RAB38: variants seen among roughly 807,000 people sequenced by gnomAD.
RAB38 encodes RAB38, member RAS oncogene family.
RAB38 carries 15 observed loss-of-function variants against 18.4 expected under a neutral mutation model. That is an observed-to-expected ratio of 0.82 (90% confidence interval 0.55 to 1.26). The LOEUF is 1.26. RAB38 is among the 50% of genes most tolerant of loss of function. The pLI is 0.00. For synonymous variants in RAB38, 101 were observed against 104.4 expected (o/e 0.97, Z 0.20); for missense variants, 294 against 267.4 (o/e 1.10, Z -0.69).
At chr11:87,959,562 A>T in the RAB38 span, among the ~76,000 whole-genome samples, 1 of 152,192 alleles carries the variant, frequency 6.6e-6, no homozygotes, top group Admixed American at 6.5e-5. Flanking sequence ...GAATACCAAC[A>T]GCTCCTGAAT....
chr11:87,865,305 T>A, the RAB38 span, among the ~76,000 whole-genome samples: 1 of 151,556 alleles, frequency 6.6e-6, no homozygotes, highest in South Asian at 2.1e-4. Context: ...ATCCAGGTGG[T>A]CTCCAGGTAA....
the RAB38 span, among the ~76,000 whole-genome samples, chr11:87,918,928 GT>G: frequency 5.4e-4 from 1 of 1,842 alleles, no homozygotes; most frequent in Admixed American, 0.015. Context: ...CTGGGTCACA[GT>G]AAAAAAAAAA....
the RAB38 span, among the ~76,000 whole-genome samples, chr11:87,845,892 A>G: frequency 6.6e-6 from 1 of 152,158 alleles, no homozygotes; most frequent in African/African-American, 2.4e-5. Context: ...CCGAAAGTCA[A>G]AAAATTCTTG....
At chr11:87,976,652 A>ATATAT in the RAB38 span, among the ~76,000 whole-genome samples, 4 of 104,066 alleles carry the variant, frequency 3.8e-5, no homozygotes, top group Non-Finnish European at 7.3e-5. Flanking sequence ...TATGATATAT[A>ATATAT]AATATATATA....
the RAB38 span, among the ~76,000 whole-genome samples, chr11:87,826,623 G>C: frequency 6.6e-6 from 1 of 152,030 alleles, no homozygotes; most frequent in Non-Finnish European, 1.5e-5. Flanking sequence ...TTTGCTAACT[G>C]CTTTACATAC....
At chr11:87,846,156 C>G in the RAB38 span, among the ~76,000 whole-genome samples, 6 of 151,698 alleles carry the variant, frequency 4.0e-5, no homozygotes, top group African/African-American at 1.5e-4. Flanking sequence ...TAAAAGTATT[C>G]AAAGGAAAAT....
intron 2 of RAB38, among the ~76,000 whole-genome samples, chr11:88,146,332 T>C (rs1205946671): frequency 6.6e-6 from 1 of 152,190 alleles, no homozygotes; most frequent in South Asian, 2.1e-4. Context: ...GATGTGCCCA[T>C]GGGGACAAAG....
At chr11:87,856,136 A>G in the RAB38 span, among the ~76,000 whole-genome samples, 1 of 152,108 alleles carries the variant, frequency 6.6e-6, no homozygotes, top group African/African-American at 2.4e-5. Flanking sequence ...AATTTATATC[A>G]TTTTCCTCCT....
the RAB38 span, among the ~76,000 whole-genome samples, chr11:87,866,469 ACT>A: frequency 6.6e-6 from 1 of 151,328 alleles, no homozygotes; most frequent in Admixed American, 6.6e-5. Flanking sequence ...TCCTACTTTG[ACT>A]CTATTTTTAC....
intron 2 of RAB38, among the ~76,000 whole-genome samples, chr11:88,149,035 G>A (rs1943028792): frequency 6.6e-6 from 1 of 152,036 alleles, no homozygotes; most frequent in African/African-American, 2.4e-5. Context: ...GGAACAATGA[G>A]AAGTATATTA....
chr11:87,806,111 G>A, the RAB38 span, among the ~76,000 whole-genome samples: 5 of 152,218 alleles, frequency 3.3e-5, no homozygotes, highest in Non-Finnish European at 7.3e-5. Flanking sequence ...GAAAATTAAA[G>A]TGTGATAACT....
At chr11:87,950,995 C>T in the RAB38 span, among the ~76,000 whole-genome samples, 2 of 152,154 alleles carry the variant, frequency 1.3e-5, no homozygotes, top group Admixed American at 1.3e-4. Context: ...CAACTTGGTT[C>T]CATTCTCCCT....
At chr11:87,836,729 A>ACTAT in the RAB38 span, among the ~76,000 whole-genome samples, 1 of 152,064 alleles carries the variant, frequency 6.6e-6, no homozygotes, top group Admixed American at 6.6e-5. Flanking sequence ...TCAGTTCTTG[A>ACTAT]CTATCTCTCT....
At chr11:88,104,650 G>A in the RAB38 span, among the ~76,000 whole-genome samples, 1 of 152,044 alleles carries the variant, frequency 6.6e-6, no homozygotes, top group Non-Finnish European at 1.5e-5. Context: ...CACAAAGTGG[G>A]CACTAAATAA....
At chr11:88,027,326 C>G in the RAB38 span, among the ~76,000 whole-genome samples, 3 of 152,140 alleles carry the variant, frequency 2.0e-5, no homozygotes. Flanking sequence ...GCATTTCCAT[C>G]TGAGGTACTG....
At chr11:88,124,456 G>A (rs957067422) in intron 2 of RAB38, among the ~76,000 whole-genome samples, 4 of 152,112 alleles carry the variant, frequency 2.6e-5, no homozygotes, top group East Asian at 1.9e-4. Context: ...ATCAATAAGT[G>A]GGCGAAGGAT....
intron 1 of RAB38, among the ~76,000 whole-genome samples, chr11:88,158,975 C>T (rs897898979): frequency 6.6e-6 from 1 of 151,854 alleles, no homozygotes; most frequent in Non-Finnish European, 1.5e-5. Context: ...AAAAGTCAAA[C>T]TATCTCTCTT....
At chr11:87,889,990 G>T in the RAB38 span, among the ~76,000 whole-genome samples, 1 of 151,640 alleles carries the variant, frequency 6.6e-6, no homozygotes, top group Non-Finnish European at 1.5e-5. Flanking sequence ...ATAAATGATA[G>T]AATATTGTAT....
chr11:88,065,664 C>A, the RAB38 span, among the ~76,000 whole-genome samples: 233 of 152,280 alleles, frequency 1.5e-3, no homozygotes, highest in Non-Finnish European at 2.5e-3. Flanking sequence ...ACCCAGCTAA[C>A]ATGTTTTATT....
Sources: gnomAD v4.1 joint callset for allele counts (sites outside exome capture counted in the v4.1 genomes callset) on GRCh38, gnomAD v4.1.1 for gene constraint, MANE v1.5 for transcripts, NCBI Gene and HGNC (gene_info 2026-07-23, HGNC 2026-07-21) for gene names.